The following SIGLEC15 variants were observed in gnomAD, a reference collection of about 807,000 sequenced individuals.
The protein encoded by SIGLEC15 is sialic acid binding Ig like lectin 15, also known as sialic acid-binding Ig-like lectin 15.
In SIGLEC15, 31 loss-of-function variants were observed where a neutral mutation model predicts 26.2. The ratio of observed to expected loss-of-function variants is 1.18; its 90% CI spans 0.89 to 1.60. SIGLEC15 has a LOEUF of 1.60. SIGLEC15 is among the 40% of genes most tolerant of loss of function. The pLI, the probability that SIGLEC15 is intolerant of heterozygous loss-of-function variation, is 0.00. For synonymous variants in SIGLEC15, 207 were observed against 221.9 expected, an observed-to-expected ratio of 0.93 and a Z score of 0.60; for missense variants, 501 against 488.4, an observed-to-expected ratio of 1.03 and a Z score of -0.24.
chr18:45,827,071 C>T (rs572284304), intron 1 of SIGLEC15, among the ~76,000 whole-genome samples: 1 of 152,276 alleles, frequency 6.6e-6, no homozygotes, highest in African/African-American at 2.4e-5. Flanking sequence ...TGTGCCACCA[C>T]GCCCAGCTAA....
At position 45,837,788 on chromosome 18, in the gene SIGLEC15, G is replaced by C. The variant is rs1408072461; in HGVS notation, c.388G>C (p.Glu130Gln). Reference sequence around the variant, plus strand: ...CCGCAACGACCTCTCGCTGCGCGTCGAGCGCCTCGCCCTGGCTGACGACCG... The same window carrying C: ...CCGCAACGACCTCTCGCTGCGCGTCCAGCGCCTCGCCCTGGCTGACGACCG... ...PRRNDLSLRV[E>Q]RLALADDRRY... The change falls in exon 3 of 6, where the codon GAG becomes CAG. Residue 130 changes from glutamate (E) to glutamine (Q), a missense_variant. Transcript: ENST00000389474. 1 of 1,523,072 alleles carries C rather than the reference G, an allele frequency of 6.6e-7. No homozygotes were observed. The highest frequency in any genetic ancestry group is 1.2e-5 in the South Asian group (1 of 83,214). 94.3% of individuals were successfully genotyped at this position (1,523,072 alleles called of 1,614,324 possible).
At chr18:45,835,471 G>A (rs1419242381) in intron 1 of SIGLEC15, among the ~76,000 whole-genome samples, 2 of 152,172 alleles carry the variant, frequency 1.3e-5, no homozygotes, top group South Asian at 2.1e-4. Context: ...CAATCAAAAG[G>A]CAGATGCTGG....
intron 1 of SIGLEC15, among the ~76,000 whole-genome samples, chr18:45,834,543 T>C (rs1374787550): frequency 6.6e-6 from 1 of 152,212 alleles, no homozygotes. Context: ...GTGAGTGACA[T>C]GGCCAGAAGC....
chr18:45,839,093 C>T lies in SIGLEC15; in HGVS notation c.872C>T (p.Pro291Leu). ...GCCGCCCGCGCTGCCCGCCGCCGCC[C>T]AGGTGGGTGCGCCCCAGACACGGGT... Reference protein sequence around the residue: ...VLAARAARRRPEHLDTPDTPP... With the variant: ...VLAARAARRRLEHLDTPDTPP... Residue 291 changes from proline to leucine, a missense_variant and splice_region_variant, in exon 4 of 6, where the codon CCA becomes CTA. Physicochemically the swap from Pro to Leu is moderately conservative, Grantham distance 98. Coordinates refer to ENST00000389474, the MANE Select transcript of SIGLEC15 (RefSeq NM_213602.3). The T allele has an allele frequency of 7.1e-7, 1 of 1,401,786 alleles. No homozygotes were observed. The highest frequency in any genetic ancestry group is 1.6e-5 in the South Asian group (1 of 62,520). The allele number at this position is 1,401,786 out of a possible 1,614,324, so 86.8% of individuals were successfully genotyped here.
chr18:45,832,719 G>C (rs1234933226), intron 1 of SIGLEC15, among the ~76,000 whole-genome samples: 1 of 152,226 alleles, frequency 6.6e-6, no homozygotes, highest in Non-Finnish European at 1.5e-5. Context: ...CATGATTCCA[G>C]TTCAGGAATC....
Position 45,837,696 on chromosome 18 carries a change from G to C in SIGLEC15, c.296G>C (p.Arg99Pro), listed in dbSNP as rs533118109. The C allele has an allele frequency of 3.4e-5, 50 of 1,476,154 alleles. No homozygotes were observed. The South Asian group carries it at 5.9e-4, about 17-fold the overall frequency. 91.4% of individuals were successfully genotyped at this position (1,476,154 alleles called of 1,614,324 possible). A position where few individuals can be genotyped will look rare whatever the true frequency, so the allele number is the denominator to read the frequency against. ...CAGGTGTTCCGCTGCGCTGCGGCGC[G>C]GGGCAGCGAGCTCTGCCAGACGGCG... ...GPQVFRCAAARGSELCQTALS... is the reference protein window; with the variant it reads ...GPQVFRCAAAPGSELCQTALS... The change falls in exon 3 of 6, where the codon CGG becomes CCG. Residue 99 changes from arginine to proline, a missense_variant. By Grantham distance (103) the Arg-to-Pro change is moderately radical. Coordinates refer to ENST00000389474, the MANE Select transcript of SIGLEC15 (RefSeq NM_213602.3).
Position 45,837,608 on chromosome 18 carries a change from C to T in SIGLEC15, c.208C>T (p.His70Tyr). 6.6e-7 allele frequency: 1 copy of T among 1,510,038 alleles called. No homozygotes were observed. Among genetic ancestry groups the T allele is most frequent in the Non-Finnish European group, 8.8e-7 (1 of 1,136,846 alleles). 93.5% of individuals were successfully genotyped at this position (1,510,038 alleles called of 1,614,324 possible). A position where few individuals can be genotyped will look rare whatever the true frequency, so the allele number is the denominator to read the frequency against. ...AVLPCTFTHPHRHYDGPLTAI... is the reference protein window; with the variant it reads ...AVLPCTFTHPYRHYDGPLTAI... ...GCTGCCCTGCACCTTCACGCACCCG[C>T]ACCGCCACTACGACGGGCCGCTGAC... The change falls in exon 3 of 6, where the codon CAC (histidine) becomes TAC (tyrosine). Residue 70 changes from histidine (H) to tyrosine (Y), a missense_variant. Coordinates refer to ENST00000389474, the MANE Select transcript of SIGLEC15 (RefSeq NM_213602.3).
intron 2 of SIGLEC15, 117 bp downstream of exon 2, chr18:45,837,205 A>C: frequency 2.0e-6 from 3 of 1,488,222 alleles, no homozygotes; most frequent in South Asian, 2.6e-5. Flanking sequence ...GGGTAAGAAT[A>C]TGGGGTCAAG....
At chr18:45,841,345 C>T (rs1407727801) in intron 5 of SIGLEC15, among the ~76,000 whole-genome samples, 3 of 151,984 alleles carry the variant, frequency 2.0e-5, no homozygotes, top group Admixed American at 2.0e-4. Flanking sequence ...GAGGAAAAGG[C>T]AAGTAGAAAG....
chr18:45,833,084 T>G (rs896771729), intron 1 of SIGLEC15, among the ~76,000 whole-genome samples: 10 of 152,032 alleles, frequency 6.6e-5, no homozygotes, highest in African/African-American at 2.4e-4. Context: ...AGACCTGCCA[T>G]TTGCAGCACA....
intron 1 of SIGLEC15, among the ~76,000 whole-genome samples, chr18:45,835,959 G>A (rs756295457): frequency 1.3e-5 from 2 of 152,198 alleles, no homozygotes; most frequent in South Asian, 2.1e-4. Context: ...GACCCTGCAC[G>A]GGGCCATCAT....
chr18:45,829,140 C>T (rs936092078), intron 1 of SIGLEC15: 44 of 985,436 alleles, frequency 4.5e-5, no homozygotes, highest in Non-Finnish European at 5.2e-5. Flanking sequence ...GGCACAGGCC[C>T]CACAGCAGGG....
chr18:45,838,805 C>T lies in SIGLEC15; in HGVS notation c.584C>T (p.Pro195Leu). The T allele has an allele frequency of 6.4e-7, 1 of 1,558,684 alleles. No individual in the cohort carries two copies. The highest frequency in any genetic ancestry group is 8.6e-7 in the Non-Finnish European group (1 of 1,159,096). The change falls in exon 4 of 6, where the codon CCC becomes CTC. Residue 195 changes from proline to leucine, a missense_variant. By Grantham distance (98) the Pro-to-Leu change is moderately conservative. Transcript: ENST00000389474. ...ALCTAEGEPPPALAWSGPALG... is the reference protein window; with the variant it reads ...ALCTAEGEPPLALAWSGPALG... The stretch of plus-strand genomic sequence containing the variant: ...TGCACTGCCGAAGGGGAGCCGCCGC[C>T]CGCCCTCGCCTGGTCCGGCCCGGCC...
chr18:45,834,025 T>G (rs529686872), intron 1 of SIGLEC15, among the ~76,000 whole-genome samples: 42 of 152,358 alleles, frequency 2.8e-4, no homozygotes, highest in African/African-American at 2.4e-5. Flanking sequence ...TACGCCTTCA[T>G]GCCTGGCAAC....
intron 1 of SIGLEC15, among the ~76,000 whole-genome samples, chr18:45,835,957 A>C (rs2048272616): frequency 6.6e-6 from 1 of 152,216 alleles, no homozygotes; most frequent in African/African-American, 2.4e-5. Context: ...AAGACCCTGC[A>C]CGGGGCCATC....
chr18:45,842,279 GCAC>G lies in SIGLEC15; in HGVS notation c.*94_*96del. On this transcript the variant is annotated 3_prime_UTR_variant, in exon 6 of 6. Transcript: ENST00000389474. ...TGGCACAGCCAGTCCTGGTTCTCGG[GCAC>G]CTTGGCAGCCCCCAGCTGGGTGGCT... 1.4e-6 allele frequency: 2 copies of G among 1,437,398 alleles called. No individual in the cohort carries two copies. The highest frequency in any genetic ancestry group is 2.0e-6 in the Non-Finnish European group (2 of 1,025,154). The allele number at this position is 1,437,398 out of a possible 1,614,324, so 89.0% of individuals were successfully genotyped here.
rs1303956994 is a variant in SIGLEC15 at position 45,837,782 on chromosome 18, C to A, written c.382C>A (p.Arg128Ser). ...CCCGCGCCGCAACGACCTCTCGCTG[C>A]GCGTCGAGCGCCTCGCCCTGGCTGA... ...GNPRRNDLSL[R>S]VERLALADDR... The change falls in exon 3 of 6, where the codon CGC becomes AGC. Residue 128 changes from arginine (R) to serine (S), a missense_variant. Arg to Ser is a moderately radical substitution (Grantham distance 110). Coordinates refer to ENST00000389474, the MANE Select transcript of SIGLEC15 (RefSeq NM_213602.3). 19 of 1,523,654 alleles carry A rather than the reference C, an allele frequency of 1.2e-5. No homozygotes were observed. Among genetic ancestry groups the A allele is most frequent in the Middle Eastern group, 4.3e-4 (2 of 4,668 alleles). The allele number at this position is 1,523,654 out of a possible 1,614,324, so 94.4% of individuals were successfully genotyped here.
intron 1 of SIGLEC15, among the ~76,000 whole-genome samples, chr18:45,831,434 T>C (rs548780957): frequency 2.6e-5 from 4 of 152,346 alleles, no homozygotes; most frequent in South Asian, 4.1e-4. Context: ...TTCATGTCCC[T>C]GGGCTGGGAA....
At chr18:45,836,934 T>C (rs1016109176) in intron 1 of SIGLEC15, 95 bp from the exon 2 acceptor site, 1 of 752,940 alleles carries the variant, frequency 1.3e-6, no homozygotes, top group Non-Finnish European at 2.4e-6. Flanking sequence ...GAACGCTGGC[T>C]TGGCCTCATG....
Sources: allele counts gnomAD v4.1 joint callset (sites outside exome capture counted in the v4.1 genomes callset), GRCh38; gene constraint gnomAD v4.1.1; transcripts MANE v1.5; gene names NCBI Gene and HGNC (gene_info 2026-07-23, HGNC 2026-07-21).